The following CSE1L variants were observed in gnomAD, a reference collection of about 807,000 sequenced individuals.
CSE1L encodes the protein exportin-2.
In CSE1L, 24 loss-of-function variants were observed where a neutral mutation model predicts 120.4. The observed-to-expected ratio is 0.20, with a 90% CI of 0.14 to 0.28. The LOEUF is 0.28. Among genes scored for constraint, CSE1L ranks in the 10% least tolerant of loss-of-function variants. The pLI is 1.00. For missense variants in CSE1L, 830 were observed against 1,145.2 expected, an observed-to-expected ratio of 0.72 and a Z score of 3.97; for synonymous variants, 402 against 398.3, an observed-to-expected ratio of 1.01 and a Z score of -0.11.
In CSE1L at chr20:49,075,345, G is replaced by C. The variant is rs1487361629; in HGVS notation, c.1160G>C (p.Cys387Ser). The C allele has an allele frequency of 6.2e-7, 1 of 1,613,668 alleles. No individual in the cohort carries two copies. The stretch of plus-strand genomic sequence containing the variant: ...ATTGATACTAGACGCAGGGCTGCTT[G>C]TGATCTGGTACGAGGATTATGCAAG... Reference protein sequence around the residue: ...SDIDTRRRAACDLVRGLCKFF... With the variant: ...SDIDTRRRAASDLVRGLCKFF... The change falls in exon 12 of 25, where the codon TGT becomes TCT. Residue 387 changes from cysteine (C) to serine (S), a missense_variant. Physicochemically the swap from Cys to Ser is moderately radical, Grantham distance 112 (BLOSUM62 -1). Transcript: ENST00000262982.
At chr20:49,080,254 T>G (rs906834229) in intron 14 of CSE1L, among the ~76,000 whole-genome samples, 72 of 151,470 alleles carry the variant, frequency 4.8e-4, no homozygotes, top group African/African-American at 1.6e-3. Flanking sequence ...TTGTTTTGTT[T>G]TTTTTTATTT....
intron 24 of CSE1L, among the ~76,000 whole-genome samples, chr20:49,095,505 G>A (rs1396559293): frequency 1.3e-5 from 2 of 151,856 alleles, no homozygotes; most frequent in Non-Finnish European, 2.9e-5. Context: ...TGTGGAGACA[G>A]GGTCTCCCTA....
At chr20:49,059,509 C>G (rs2091835173) in intron 2 of CSE1L, among the ~76,000 whole-genome samples, 1 of 152,094 alleles carries the variant, frequency 6.6e-6, no homozygotes, top group South Asian at 2.1e-4. Flanking sequence ...TTTGCAAGAT[C>G]AGATTTCCAG....
chr20:49,095,760 G>T (rs925471819), intron 24 of CSE1L, among the ~76,000 whole-genome samples: 1 of 152,066 alleles, frequency 6.6e-6, no homozygotes, highest in South Asian at 2.1e-4. Context: ...AGACACAGTG[G>T]TTTATGCCTG....
chr20:49,088,398 G>GTACC (rs2145750612), intron 17 of CSE1L, among the ~76,000 whole-genome samples: 1 of 152,344 alleles, frequency 6.6e-6, no homozygotes, highest in Admixed American at 6.5e-5. Context: ...CTTAAATGGA[G>GTACC]TTAAGTAGGC....
At chr20:49,057,010 C>T (rs538728870) in intron 1 of CSE1L, among the ~76,000 whole-genome samples, 2 of 152,136 alleles carry the variant, frequency 1.3e-5, no homozygotes, top group East Asian at 1.9e-4. Context: ...GTAGTTAAAT[C>T]GACGTAGGCC....
At chr20:49,065,347 G>T (rs1482381200) in intron 3 of CSE1L, among the ~76,000 whole-genome samples, 2 of 60,908 alleles carry the variant, frequency 3.3e-5, no homozygotes, top group Admixed American at 2.1e-4. Flanking sequence ...TTTTGAGAGG[G>T]AGTCTTGCTC....
At chr20:49,046,834 C>T (rs1253904995) in intron 1 of CSE1L, among the ~76,000 whole-genome samples, 2 of 152,222 alleles carry the variant, frequency 1.3e-5, no homozygotes, top group African/African-American at 2.4e-5. Flanking sequence ...GGCTGCTAGC[C>T]GCGCGAGCTG....
intron 1 of CSE1L, among the ~76,000 whole-genome samples, chr20:49,056,233 G>A (rs1200823172): frequency 6.6e-6 from 1 of 151,814 alleles, no homozygotes; most frequent in African/African-American, 2.4e-5. Context: ...AGCCACCCAA[G>A]TAACTGGGAT....
intron 1 of CSE1L, among the ~76,000 whole-genome samples, 169 bp from the exon 2 acceptor site, chr20:49,058,284 A>G (rs966873950): frequency 6.6e-6 from 1 of 152,040 alleles, no homozygotes; most frequent in Non-Finnish European, 1.5e-5. Flanking sequence ...GGGAAAAGGC[A>G]CATCTCATTT....
At position 49,072,473 on chromosome 20, in the gene CSE1L, A is replaced by G; in HGVS notation, c.936+20A>G. On this transcript the variant is annotated intron_variant, in intron 9 of 24. Transcript: ENST00000262982. ...GATTTGGTAAGATGATGGTGGAGAC[A>G]AATAATTAAAAGACATTCTCTCCCT... is the stretch of plus-strand genomic sequence containing the variant. 1 of 1,610,864 alleles carries G rather than the reference A, an allele frequency of 6.2e-7. No homozygotes were observed.
chr20:49,046,701 C>G (rs926720176), intron 1 of CSE1L, among the ~76,000 whole-genome samples: 15 of 152,364 alleles, frequency 9.8e-5, no homozygotes, highest in African/African-American at 3.6e-4. Context: ...CGGCCTAACG[C>G]GAGCCTGCGG....
chr20:49,094,488 G>A (rs1254928682), intron 23 of CSE1L, among the ~76,000 whole-genome samples: 1 of 152,114 alleles, frequency 6.6e-6, no homozygotes, highest in Non-Finnish European at 1.5e-5. Context: ...GGGGATTCAT[G>A]GACCCCTTTA....
At chr20:49,091,048 A>C in intron 21 of CSE1L, 26 bp downstream of exon 21, 2 of 1,409,764 alleles carry the variant, frequency 1.4e-6, no homozygotes, top group East Asian at 4.6e-5. Flanking sequence ...TGGATGTTCT[A>C]CAGAAGTAAT....
chr20:49,084,824 C>G (rs983032226), intron 15 of CSE1L, among the ~76,000 whole-genome samples: 5 of 152,048 alleles, frequency 3.3e-5, no homozygotes, highest in Non-Finnish European at 7.4e-5. Flanking sequence ...TCATCAAGAA[C>G]TTGAAGTACA....
chr20:49,096,491 C>T lies in CSE1L; in HGVS notation c.*53C>T, dbSNP rs943198997. 6 of 1,293,462 alleles carry T rather than the reference C, an allele frequency of 4.6e-6. No individual in the cohort carries two copies. In the African/African-American group the frequency reaches 7.3e-5, roughly 16 times the overall value. 80.1% of individuals were successfully genotyped at this position (1,293,462 alleles called of 1,614,324 possible). On this transcript the variant is annotated 3_prime_UTR_variant, in exon 25 of 25. Transcript: ENST00000262982. ...AGATGGTTTCCTAGGAAATCACAGG[C>T]TTCTGAGCACAGCTGCATTAAAACA...
intron 14 of CSE1L, among the ~76,000 whole-genome samples, chr20:49,080,772 G>A (rs758966079): frequency 5.3e-5 from 8 of 152,020 alleles, no homozygotes; most frequent in Non-Finnish European, 1.2e-4. Flanking sequence ...CACCGCGCCC[G>A]GCCTTATTCA....
In CSE1L at chr20:49,067,265, G is replaced by A. The variant is rs201000044; in HGVS notation, c.552G>A (p.Leu184=). 320 of 1,606,336 alleles carry A rather than the reference G, an allele frequency of 2.0e-4. No homozygotes were observed. The highest frequency in any genetic ancestry group is 2.5e-4 in the Non-Finnish European group (298 of 1,174,516). Residue 184 remains leucine, a synonymous_variant, in exon 6 of 25, where the codon TTG becomes TTA. Transcript: ENST00000262982. ...KLVLDAFALP[L]TNLFKATIEL... ...TTCTGGATGCCTTTGCTTTGCCTTT[G>A]ACTAATCTTTTTAAGGTATGGAATG...
intron 1 of CSE1L, among the ~76,000 whole-genome samples, chr20:49,053,171 T>TTTA (rs1356583002): frequency 2.3e-5 from 3 of 129,588 alleles, no homozygotes; most frequent in African/African-American, 8.9e-5. Flanking sequence ...TTTTTTTTTT[T>TTTA]AAAGACAAAA....
Sources: allele counts gnomAD v4.1 joint callset (sites outside exome capture counted in the v4.1 genomes callset), GRCh38; gene constraint gnomAD v4.1.1; transcripts MANE v1.5; gene names NCBI Gene and HGNC (gene_info 2026-07-23, HGNC 2026-07-21).